The following PIWIL3 variants were observed in gnomAD, a reference collection of about 807,000 sequenced individuals.
PIWIL3 encodes the protein piwi like RNA-mediated gene silencing 3, also known as piwi-like protein 3.
Under a neutral mutation model 109.7 loss-of-function variants are expected in PIWIL3, and 101 were observed. The observed-to-expected ratio is 0.92, with a 90% CI of 0.78 to 1.09. The LOEUF is 1.09. PIWIL3 is among the 50% of genes least tolerant of loss of function. The probability of loss-of-function intolerance (pLI) is 0.00; values close to 1 mark genes in which losing one functional copy is unlikely to be tolerated. For missense variants in PIWIL3, 1,031 were observed against 1,072.6 expected, an observed-to-expected ratio of 0.96 and a Z score of 0.54; for synonymous variants, 373 against 376.4, an observed-to-expected ratio of 0.99 and a Z score of 0.10.
chr22:24,729,817 C>A (rs1923225963), intron 14 of PIWIL3, among the ~76,000 whole-genome samples: 1 of 152,056 alleles, frequency 6.6e-6, no homozygotes, highest in African/African-American at 2.4e-5. Context: ...TAATCATTTG[C>A]ATTTTTTTCT....
chr22:24,753,159 C>G (rs1008736497), intron 8 of PIWIL3, among the ~76,000 whole-genome samples: 8 of 152,134 alleles, frequency 5.3e-5, no homozygotes, highest in South Asian at 2.1e-4. Flanking sequence ...TGGTGAAGCC[C>G]AATGTATCTA....
chr22:24,759,373 T>G (rs1925276119), intron 3 of PIWIL3, among the ~76,000 whole-genome samples: 1 of 152,240 alleles, frequency 6.6e-6, no homozygotes. Context: ...CAAGCTATTT[T>G]GCTATAGAAA....
rs199962639 is a variant in PIWIL3, at chr22:24,754,232, A to T, written c.774-15T>A. ...CCAAACTGGTACTAGAATAAATTAC[A>T]TGAGAGTATTAGTCCGATCTCTTCA... On this transcript the variant is annotated splice_polypyrimidine_tract_variant and intron_variant, in intron 7 of 20. Coordinates refer to ENST00000616349, the MANE Select transcript of PIWIL3 (RefSeq NM_001255975.1). The T allele has an allele frequency of 1.8e-4, 293 of 1,599,306 alleles. No individual in the cohort carries two copies. Among genetic ancestry groups the T allele is most frequent in the Non-Finnish European group, 2.3e-4 (271 of 1,166,942 alleles).
At position 24,722,440 on chromosome 22, in the gene PIWIL3, T is replaced by C. The variant is rs138967621; in HGVS notation, c.2357+690A>G. Reference sequence around the variant, plus strand: ...AAAAATTGAAACCTCTGGCTGGACATGGTGGCTCACACCTGTAATCCCAGC... The same window carrying C: ...AAAAATTGAAACCTCTGGCTGGACACGGTGGCTCACACCTGTAATCCCAGC... On this transcript the variant is annotated intron_variant, in intron 19 of 20. Coordinates refer to ENST00000616349, the MANE Select transcript of PIWIL3 (RefSeq NM_001255975.1). 4.1e-4 allele frequency among the ~76,000 whole-genome samples: 61 copies of C among 148,268 alleles called. 1 individual carries two copies. In the East Asian group the frequency reaches 0.013, roughly 31 times the overall value.
chr22:24,753,167 C>T (rs1924811595), intron 8 of PIWIL3, among the ~76,000 whole-genome samples: 1 of 152,184 alleles, frequency 6.6e-6, no homozygotes, highest in African/African-American at 2.4e-5. Flanking sequence ...CCCAATGTAT[C>T]TATGTTTCTT....
chr22:24,720,469 C>T (rs938773205), intron 19 of PIWIL3, among the ~76,000 whole-genome samples: 4 of 151,910 alleles, frequency 2.6e-5, no homozygotes, highest in Non-Finnish European at 5.9e-5. Context: ...GATGGGGTTT[C>T]ACCGTGTTAG....
chr22:24,749,574 C>A (rs1381633764), intron 10 of PIWIL3, 53 bp from the exon 11 acceptor site: 2 of 1,610,812 alleles, frequency 1.2e-6, no homozygotes, highest in African/African-American at 2.7e-5. Flanking sequence ...TGAGTGAGGA[C>A]TAAATTATAA....
chr22:24,735,003 G>A (rs991024879), intron 13 of PIWIL3, among the ~76,000 whole-genome samples: 2 of 151,826 alleles, frequency 1.3e-5, no homozygotes, highest in Non-Finnish European at 1.5e-5. Flanking sequence ...AGTCTAACTA[G>A]ATGACATTCT....
At chr22:24,740,217 T>TGAAAAAAAAAAA (rs1601833489) in intron 12 of PIWIL3, among the ~76,000 whole-genome samples, 1 of 21,126 alleles carries the variant, frequency 4.7e-5, no homozygotes, top group Non-Finnish European at 1.3e-4. Context: ...GGAGACTGTC[T>TGAAAAAAAAAAA]CAAAAAAAAA....
At chr22:24,727,181 T>C (rs1226278426) in intron 16 of PIWIL3, among the ~76,000 whole-genome samples, 7 of 152,228 alleles carry the variant, frequency 4.6e-5, no homozygotes, top group Admixed American at 2.0e-4. Flanking sequence ...CATTTACTGA[T>C]CAGAGCCTGT....
Position 24,759,994 on chromosome 22 carries a change from A to G in PIWIL3, c.103-5T>C. 1.2e-6 allele frequency: 2 copies of G among 1,613,806 alleles called. No homozygotes were observed. Among genetic ancestry groups the G allele is most frequent in the Middle Eastern group, 1.7e-4 (1 of 6,056 alleles). ...CAACTGAGGGGGCTCCTGGGTCTGC[A>G]TGTTTTTGGAAATAGAAATAATGAG... On this transcript the variant is annotated splice_region_variant and splice_polypyrimidine_tract_variant and intron_variant, in intron 2 of 20. Coordinates refer to ENST00000616349, the MANE Select transcript of PIWIL3 (RefSeq NM_001255975.1).
At chr22:24,773,703 A>ATTTT (rs61034646) in intron 1 of PIWIL3, among the ~76,000 whole-genome samples, 17 of 110,212 alleles carry the variant, frequency 1.5e-4, no homozygotes, top group Admixed American at 4.2e-4. Flanking sequence ...GACACTCTAG[A>ATTTT]TTTTTTTTTT....
Position 24,758,111 on chromosome 22 carries a change from G to A in PIWIL3, c.224-72C>T, listed in dbSNP as rs1925203761. On this transcript the variant is annotated intron_variant, in intron 3 of 20. Transcript: ENST00000616349. Reference sequence around the variant, plus strand: ...ATAGAAAAGACAGCATTAACACCCAGCATAAGTTTGTTAGAGGTAGAAAAG... The same window carrying A: ...ATAGAAAAGACAGCATTAACACCCAACATAAGTTTGTTAGAGGTAGAAAAG... 41 of 1,485,288 alleles carry A rather than the reference G, an allele frequency of 2.8e-5. No homozygotes were observed. In the South Asian group the frequency reaches 5.3e-4, roughly 19 times the overall value. 92.0% of individuals were successfully genotyped at this position (1,485,288 alleles called of 1,614,324 possible).
chr22:24,728,565 ATATG>A (rs1230198053), intron 14 of PIWIL3, among the ~76,000 whole-genome samples, 191 bp from the exon 15 acceptor site: 2 of 152,192 alleles, frequency 1.3e-5, no homozygotes, highest in Non-Finnish European at 2.9e-5. Flanking sequence ...ATATCAACTT[ATATG>A]TATTTATTAG....
intron 1 of PIWIL3, among the ~76,000 whole-genome samples, chr22:24,764,032 A>G (rs1391239742): frequency 1.3e-5 from 2 of 150,654 alleles, no homozygotes; most frequent in African/African-American, 2.5e-5. Context: ...CTGGGCACAC[A>G]GCCCCACGCC....
At chr22:24,772,390 C>A (rs1450880808) in intron 1 of PIWIL3, among the ~76,000 whole-genome samples, 1 of 152,074 alleles carries the variant, frequency 6.6e-6, no homozygotes, top group African/African-American at 2.4e-5. Flanking sequence ...AGACAAAAAC[C>A]TTTGTGGAAT....
intron 1 of PIWIL3, among the ~76,000 whole-genome samples, chr22:24,773,703 A>ATTT (rs61034646): frequency 5.3e-4 from 58 of 110,202 alleles, no homozygotes; most frequent in African/African-American, 1.0e-3. Context: ...GACACTCTAG[A>ATTT]TTTTTTTTTT....
Position 24,723,164 on chromosome 22 carries a change from T to C in PIWIL3, c.2323A>G (p.Thr775Ala). The stretch of plus-strand genomic sequence containing the variant: ...CTAGTCAACTCTACATCAATAACTG[T>C]TCCTGGAGGTGGATTTTGAAAATTG... ...GSNFQNPPPG[T>A]VIDVELTRNE... is the part of the protein sequence containing the mutation. Residue 775 changes from threonine (T) to alanine (A), a missense_variant, in exon 19 of 21, where the codon ACA becomes GCA. Physicochemically the swap from Thr to Ala is moderately conservative, Grantham distance 58 (BLOSUM62 0). Transcript: ENST00000616349. The C allele has an allele frequency of 6.2e-7, 1 of 1,613,278 alleles. No individual in the cohort carries two copies. Among genetic ancestry groups the C allele is most frequent in the South Asian group, 1.1e-5 (1 of 91,080 alleles).
intron 12 of PIWIL3, among the ~76,000 whole-genome samples, chr22:24,739,613 G>C (rs899821265): frequency 6.6e-6 from 1 of 151,974 alleles, no homozygotes; most frequent in Non-Finnish European, 1.5e-5. Flanking sequence ...AAACATGAAG[G>C]ACAAAGACTT....
Sources: gnomAD v4.1 joint callset for allele counts (sites outside exome capture counted in the v4.1 genomes callset) on GRCh38, gnomAD v4.1.1 for gene constraint, MANE v1.5 for transcripts, NCBI Gene and HGNC (gene_info 2026-07-23, HGNC 2026-07-21) for gene names.